LACTB: variants seen among roughly 807,000 people sequenced by gnomAD.
LACTB encodes the protein lactamase beta.
A neutral mutation model predicts 50.2 loss-of-function variants in LACTB; 35 were observed. The ratio of observed to expected loss-of-function variants is 0.70; its 90% CI spans 0.53 to 0.92. The LOEUF (loss-of-function observed/expected upper bound fraction) is 0.92, where lower values mean the gene tolerates loss of function less well. Ranked by LOEUF, LACTB falls within the 40% of genes least tolerant of loss-of-function variation. The pLI, the probability that LACTB is intolerant of heterozygous loss-of-function variation, is 0.00. For missense variants in LACTB, 664 were observed against 691.8 expected, an observed-to-expected ratio of 0.96 and a Z score of 0.45; for synonymous variants, 252 against 268.2, an observed-to-expected ratio of 0.94 and a Z score of 0.59.
chr15:63,139,192 TCCAAAAAAAA>T (rs2037203762), intron 5 of LACTB, among the ~76,000 whole-genome samples: 2 of 125,848 alleles, frequency 1.6e-5, no homozygotes, highest in Non-Finnish European at 1.6e-5. Context: ...CTACTAAAAA[TCCAAAAAAAA>T]AAAAAAAAAA....
intron 1 of LACTB, 61 bp downstream of exon 1, chr15:63,122,289 T>C (rs1595712534): frequency 1.4e-6 from 2 of 1,391,580 alleles, no homozygotes; most frequent in Non-Finnish European, 1.9e-6. Context: ...GGCGGTGCTG[T>C]CGGGGGCTGA....
chr15:63,129,816 G>T (rs2037105901), intron 5 of LACTB, 166 bp downstream of exon 5: 3 of 865,734 alleles, frequency 3.5e-6, no homozygotes, highest in Non-Finnish European at 4.7e-6. Flanking sequence ...AGTAAAACAT[G>T]TTTATAAAGT....
At chr15:63,127,214 T>C (rs752083747) in intron 3 of LACTB, 139 bp from the exon 4 acceptor site, 14 of 947,644 alleles carry the variant, frequency 1.5e-5, no homozygotes, top group Non-Finnish European at 2.2e-5. Flanking sequence ...TTCTGAAATT[T>C]GAGGCTAAGG....
intron 5 of LACTB, among the ~76,000 whole-genome samples, chr15:63,133,559 T>C (rs1158021961): frequency 1.3e-5 from 2 of 152,158 alleles, no homozygotes; most frequent in African/African-American, 4.8e-5. Context: ...CAGGCTGCAG[T>C]GAGCTATGAT....
chr15:63,127,044 GA>G lies in LACTB; in HGVS notation c.614del (p.Lys205ArgfsTer9). The G allele has an allele frequency of 6.3e-7, 1 of 1,590,646 alleles. No individual in the cohort carries two copies. The highest frequency in any genetic ancestry group is 8.6e-7 in the Non-Finnish European group (1 of 1,165,190). ...PEFPEKEYEGEKVSVTTRLLI... is the reference protein window; with the variant it reads ...PEFPEKEYEGXKVSVTTRLLI... ...ATTCCCAGAAAAAGAATATGAAGGT[GA>G]AAAGGTACTGAAACTCACAGTTCAT... On this transcript the variant is annotated frameshift_variant, in exon 3 of 6. Transcript: ENST00000261893. LOFTEE classifies it high-confidence loss of function.
chr15:63,129,383 C>T (rs2037098342), intron 4 of LACTB, 102 bp from the exon 5 acceptor site: 7 of 1,041,790 alleles, frequency 6.7e-6, no homozygotes, highest in African/African-American at 3.3e-5. Context: ...TAAAATATTC[C>T]AGTTTTAAAA....
chr15:63,122,029 G>T lies in LACTB; in HGVS notation c.158G>T (p.Gly53Val). The T allele has an allele frequency of 1.4e-6, 2 of 1,413,968 alleles. No individual in the cohort carries two copies. Among genetic ancestry groups the T allele is most frequent in the Non-Finnish European group, 1.8e-6 (2 of 1,092,900 alleles). 87.6% of individuals were successfully genotyped at this position (1,413,968 alleles called of 1,614,324 possible). The change falls in exon 1 of 6, where the codon GGG (glycine) becomes GTG (valine). Residue 53 changes from glycine to valine, a missense_variant. Gly to Val is a moderately radical substitution (Grantham distance 109, BLOSUM62 -3). Transcript: ENST00000261893. ...GGGCTGGGGCTGGGGCTGGCGCTCG[G>T]GGTGAAGCTGGCAGGTGGGCTGAGG... is the stretch of plus-strand genomic sequence containing the variant. ...GLGLGLGLAL[G>V]VKLAGGLRGA...
At chr15:63,136,042 C>CTTTT (rs55680025) in intron 5 of LACTB, among the ~76,000 whole-genome samples, 1 of 132,582 alleles carries the variant, frequency 7.5e-6, no homozygotes. Context: ...ATTTTCTTTT[C>CTTTT]TTTTTTTTTT....
chr15:63,129,316 G>A (rs1458624438), intron 4 of LACTB, 169 bp from the exon 5 acceptor site: 3 of 507,382 alleles, frequency 5.9e-6, no homozygotes, highest in African/African-American at 3.9e-5. Flanking sequence ...AAGGACAGTT[G>A]CAAAGTTAAC....
rs575328436 is a variant in LACTB, at chr15:63,130,706, T to C, written c.1118+1056T>C. The C allele has an allele frequency of 4.6e-5, 7 of 152,316 alleles. No homozygotes were observed. In the East Asian group the frequency reaches 1.2e-3, roughly 25 times the overall value. The allele number at this position is 152,316 out of a possible 1,614,324, so 9.4% of individuals were successfully genotyped here. A position where few individuals can be genotyped will look rare whatever the true frequency, so the allele number is the denominator to read the frequency against. The stretch of plus-strand genomic sequence containing the variant: ...ACATTGCATTTACTTGTCATATCTA[T>C]CAGAAGTCACTTGACATCAGTTTGT... On this transcript the variant is annotated intron_variant, in intron 5 of 5. Transcript: ENST00000261893.
Position 63,121,919 on chromosome 15 carries a change from G to C in LACTB, c.48G>C (p.Gly16=). ...SAVTARAAAP[G]GLASSCGRRG... is the part of the protein sequence containing the mutation. ...TGACTGCCCGGGCTGCCGCCCCCGG[G>C]GGCTTGGCCTCAAGCTGCGGACGAC... Residue 16 remains glycine (G), a synonymous_variant, in exon 1 of 6, where the codon GGG becomes GGC. Coordinates refer to ENST00000261893, the MANE Select transcript of LACTB (RefSeq NM_032857.5). 7.0e-7 allele frequency: 1 copy of C among 1,424,924 alleles called. No individual in the cohort carries two copies. Among genetic ancestry groups the C allele is most frequent in the South Asian group, 1.5e-5 (1 of 65,284 alleles). The allele number at this position is 1,424,924 out of a possible 1,614,324, so 88.3% of individuals were successfully genotyped here.
intron 4 of LACTB, among the ~76,000 whole-genome samples, chr15:63,128,006 T>C (rs1277581764): frequency 6.6e-6 from 1 of 152,238 alleles, no homozygotes; most frequent in African/African-American, 2.4e-5. Flanking sequence ...TGATAAGGTA[T>C]TGCTGATATT....
In LACTB at chr15:63,122,648, G is replaced by A. The variant is rs2036992558; in HGVS notation, c.370G>A (p.Ala124Thr). Residue 124 changes from alanine (A) to threonine (T), a missense_variant, in exon 2 of 6, where the codon GCA becomes ACA. Coordinates refer to ENST00000261893, the MANE Select transcript of LACTB (RefSeq NM_032857.5). Reference sequence around the variant, plus strand: ...CCTTCGGTCTTAGGATGAGGTGGGCGCACCGGGCATAGTGGTTGGAGTTTC... The same window carrying A: ...CCTTCGGTCTTAGGATGAGGTGGGCACACCGGGCATAGTGGTTGGAGTTTC... Reference protein sequence around the residue: ...LLHRIKDEVGAPGIVVGVSVD... With the variant: ...LLHRIKDEVGTPGIVVGVSVD... The A allele has an allele frequency of 1.2e-6, 2 of 1,613,238 alleles. No individual in the cohort carries two copies. The highest frequency in any genetic ancestry group is 2.2e-5 in the East Asian group (1 of 44,864).
At chr15:63,136,684 T>G (rs989214198) in intron 5 of LACTB, among the ~76,000 whole-genome samples, 14 of 152,038 alleles carry the variant, frequency 9.2e-5, no homozygotes, top group African/African-American at 3.1e-4. Context: ...TTTGGGGGAG[T>G]TCAGGGAGTA....
At chr15:63,135,857 A>G (rs949220522) in intron 5 of LACTB, among the ~76,000 whole-genome samples, 1 of 152,204 alleles carries the variant, frequency 6.6e-6, no homozygotes, top group Admixed American at 6.5e-5. Context: ...AGCTCTGTGT[A>G]TAAGGGGGAG....
Position 63,129,588 on chromosome 15 carries a change from T to C in LACTB, c.1056T>C (p.His352=), listed in dbSNP as rs767874616. 2 of 1,613,426 alleles carry C rather than the reference T, an allele frequency of 1.2e-6. No homozygotes were observed. The highest frequency in any genetic ancestry group is 1.7e-6 in the Non-Finnish European group (2 of 1,179,746). The change falls in exon 5 of 6, where the codon CAT becomes CAC. Residue 352 remains histidine (H), a synonymous_variant. Coordinates refer to ENST00000261893, the MANE Select transcript of LACTB (RefSeq NM_032857.5). The part of the protein sequence containing the change: ...KYLDYMQKIF[H]DLDMLTTVQE... ...TGGACTATATGCAGAAAATATTCCATGACTTGGATATGCTGACGACTGTGC... is the reference window on the plus strand; with the variant it reads ...TGGACTATATGCAGAAAATATTCCACGACTTGGATATGCTGACGACTGTGC...
At chr15:63,126,745 ATCTTT>A (rs1286182364) in intron 2 of LACTB, 109 bp from the exon 3 acceptor site, 1 of 536,904 alleles carries the variant, frequency 1.9e-6, no homozygotes, top group East Asian at 3.1e-5. Flanking sequence ...AAAGTGGAGT[ATCTTT>A]TCTTTTAGAT....
At chr15:63,136,240 G>A (rs2037175334) in intron 5 of LACTB, among the ~76,000 whole-genome samples, 1 of 152,020 alleles carries the variant, frequency 6.6e-6, no homozygotes, top group Non-Finnish European at 1.5e-5. Context: ...ATGAGATCTT[G>A]CTGTGTTTCC....
At chr15:63,140,898 C>A in intron 5 of LACTB, 1 of 520,876 alleles carries the variant, frequency 1.9e-6, no homozygotes, top group Non-Finnish European at 2.5e-6. Context: ...TGGCACGATG[C>A]AACATTAACC....
Sources: gnomAD v4.1 joint callset for allele counts (sites outside exome capture counted in the v4.1 genomes callset) on GRCh38, gnomAD v4.1.1 for gene constraint, MANE v1.5 for transcripts, NCBI Gene and HGNC (gene_info 2026-07-23, HGNC 2026-07-21) for gene names.